The following TMEM132B variants were observed in gnomAD, a reference collection of about 807,000 sequenced individuals.
TMEM132B encodes transmembrane protein 132B.
Under a neutral mutation model 90.8 loss-of-function variants are expected in TMEM132B, and 18 were observed. The observed-to-expected ratio is 0.20, with a 90% confidence interval of 0.14 to 0.29. The LOEUF (loss-of-function observed/expected upper bound fraction) is 0.29, where lower values mean the gene tolerates loss of function less well. Ranked by LOEUF, TMEM132B falls within the 10% of genes least tolerant of loss-of-function variation. The probability of loss-of-function intolerance (pLI) is 1.00; values close to 1 mark genes in which losing one functional copy is unlikely to be tolerated. For missense variants in TMEM132B, 1,096 were observed against 1,326.8 expected (o/e 0.83, Z 2.70); for synonymous variants, 504 against 523.3 (o/e 0.96, Z 0.50).
chr12:125,314,973 C>G (rs1269163016), intron 1 of TMEM132B, among the ~76,000 whole-genome samples: 1 of 152,168 alleles, frequency 6.6e-6, no homozygotes, highest in East Asian at 1.9e-4. Flanking sequence ...AGAGTTGGGG[C>G]TGGTTAACTG....
chr12:125,381,205 G>A (rs1199827005), intron 2 of TMEM132B, among the ~76,000 whole-genome samples: 1 of 152,138 alleles, frequency 6.6e-6, no homozygotes, highest in Non-Finnish European at 1.5e-5. Context: ...CAACCTGCTG[G>A]TGGTCCAAGG....
intron 1 of TMEM132B, among the ~76,000 whole-genome samples, chr12:125,289,374 C>T (rs1356801509): frequency 1.3e-5 from 2 of 151,942 alleles, no homozygotes; most frequent in Non-Finnish European, 2.9e-5. Context: ...CTTTAATCGG[C>T]ACAAGAACCC....
chr12:125,609,816 CAAAAAAAAA>C (rs763840695), intron 5 of TMEM132B, among the ~76,000 whole-genome samples: 3 of 39,432 alleles, frequency 7.6e-5, no homozygotes, highest in Non-Finnish European at 1.3e-4. Flanking sequence ...GACTCTGTCT[CAAAAAAAAA>C]AAAAAAAAAA....
At chr12:125,191,251 G>A (rs556221354) in intron 1 of TMEM132B, among the ~76,000 whole-genome samples, 2 of 151,710 alleles carry the variant, frequency 1.3e-5, no homozygotes, top group Non-Finnish European at 2.9e-5. Context: ...GATGGTGATG[G>A]GGAAGGGGTG....
rs192582883 is a variant in TMEM132B, at chr12:125,266,596, T to G, written c.67+79730T>G. On this transcript the variant is annotated intron_variant, in intron 1 of 8. Transcript: ENST00000682704. Reference sequence around the variant, plus strand: ...GTAATTGCTCACAGCATTTTCTGCTTTGGAGATTTTTCTGTTTTGGCATGG... The same window carrying G: ...GTAATTGCTCACAGCATTTTCTGCTGTGGAGATTTTTCTGTTTTGGCATGG... Among the ~76,000 whole-genome samples the G allele has an allele frequency of 1.3e-3, 205 of 152,314 alleles. 2 individuals carry two copies. The highest frequency in any genetic ancestry group is 4.6e-3 in the African/African-American group (191 of 41,562).
chr12:125,266,171 G>A (rs928670987), intron 1 of TMEM132B, among the ~76,000 whole-genome samples: 6 of 152,184 alleles, frequency 3.9e-5, no homozygotes, highest in Admixed American at 3.9e-4. Context: ...GGAGGTCTGG[G>A]TGAGCTGAGA....
At chr12:125,527,471 TCCACCCATCCACCCTTCCAA>T (rs1883516661) in intron 4 of TMEM132B, among the ~76,000 whole-genome samples, 1 of 135,944 alleles carries the variant, frequency 7.4e-6, no homozygotes. Context: ...CACCCTTCCA[TCCACCCATCCACCCTTCCAA>T]CCACCCATCC....
intron 5 of TMEM132B, among the ~76,000 whole-genome samples, chr12:125,632,044 T>C (rs1440855042): frequency 1.3e-5 from 2 of 152,110 alleles, no homozygotes; most frequent in Non-Finnish European, 2.9e-5. Flanking sequence ...GGTTGTTTTG[T>C]ACTCTTCTCT....
intron 6 of TMEM132B, among the ~76,000 whole-genome samples, chr12:125,645,585 T>C (rs1886745661): frequency 6.6e-6 from 1 of 152,214 alleles, no homozygotes; most frequent in African/African-American, 2.4e-5. Flanking sequence ...CTCAGTTCTA[T>C]AACCTTAGGA....
chr12:125,503,288 G>T (rs902830536), intron 3 of TMEM132B, among the ~76,000 whole-genome samples: 6 of 152,156 alleles, frequency 3.9e-5, no homozygotes, highest in Admixed American at 3.3e-4. Flanking sequence ...GTGAGTGTAC[G>T]GGGGACATAG....
intron 1 of TMEM132B, among the ~76,000 whole-genome samples, chr12:125,243,764 A>T (rs1565982548): frequency 6.6e-6 from 1 of 152,006 alleles, no homozygotes; most frequent in Non-Finnish European, 1.5e-5. Flanking sequence ...TGGGTCTGTG[A>T]GTACCCCCGT....
At chr12:125,267,850 A>G (rs1157907370) in intron 1 of TMEM132B, among the ~76,000 whole-genome samples, 1 of 152,126 alleles carries the variant, frequency 6.6e-6, no homozygotes, top group Non-Finnish European at 1.5e-5. Context: ...GATTTTTTCA[A>G]TCTTGGTTCG....
chr12:125,511,294 A>T (rs555516911), intron 3 of TMEM132B, among the ~76,000 whole-genome samples: 15 of 152,292 alleles, frequency 9.8e-5, no homozygotes, highest in Admixed American at 9.8e-4. Context: ...TGATCCATTC[A>T]TTGCTTGATA....
chr12:125,249,638 T>C (rs1280344056), intron 1 of TMEM132B, among the ~76,000 whole-genome samples: 1 of 152,238 alleles, frequency 6.6e-6, no homozygotes, highest in Non-Finnish European at 1.5e-5. Context: ...ACAGGGGTTC[T>C]GCATCACTGA....
intron 5 of TMEM132B, among the ~76,000 whole-genome samples, chr12:125,605,612 G>A (rs16919322): frequency 0.075 from 11,383 of 152,194 alleles, 496 homozygotes; most frequent in East Asian, 0.15. Context: ...TTAATTTTCA[G>A]TGGGCGTCTG....
At chr12:125,582,167 A>G (rs1593004614) in intron 4 of TMEM132B, among the ~76,000 whole-genome samples, 1 of 152,242 alleles carries the variant, frequency 6.6e-6, no homozygotes, top group East Asian at 1.9e-4. Flanking sequence ...TGGGAATAAT[A>G]TCCGTAACTA....
At chr12:125,187,036 C>T (rs1364360154) in intron 1 of TMEM132B, among the ~76,000 whole-genome samples, 170 bp downstream of exon 1, 1 of 152,162 alleles carries the variant, frequency 6.6e-6, no homozygotes, top group Non-Finnish European at 1.5e-5. Context: ...CTTTGCCTAG[C>T]GCCTGGGGAG....
chr12:125,650,029 CCTTTGGCAAA>C (rs1886865750), intron 6 of TMEM132B, among the ~76,000 whole-genome samples: 1 of 152,102 alleles, frequency 6.6e-6, no homozygotes, highest in South Asian at 2.1e-4. Flanking sequence ...AGGAGAGGAT[CCTTTGGCAAA>C]CTTTAGGGCC....
At chr12:125,543,398 A>G (rs1428175331) in intron 4 of TMEM132B, among the ~76,000 whole-genome samples, 1 of 152,246 alleles carries the variant, frequency 6.6e-6, no homozygotes, top group Non-Finnish European at 1.5e-5. Flanking sequence ...TTTACATAAA[A>G]TTTACATCGT....
Sources: allele counts gnomAD v4.1 joint callset (sites outside exome capture counted in the v4.1 genomes callset), GRCh38; gene constraint gnomAD v4.1.1; transcripts MANE v1.5; gene names NCBI Gene and HGNC (gene_info 2026-07-23, HGNC 2026-07-21).